CSTPP1: variants seen among roughly 807,000 people sequenced by gnomAD.
CSTPP1 encodes the protein UPF0705 protein C11orf49.
the CSTPP1 span, among the ~76,000 whole-genome samples, chr11:47,010,996 G>A: frequency 6.6e-6 from 1 of 152,090 alleles, no homozygotes; most frequent in African/African-American, 2.4e-5. Context: ...TTCAGTAGTT[G>A]CTTGAGTGCT....
At chr11:47,147,213 A>G in the CSTPP1 span, among the ~76,000 whole-genome samples, 1 of 152,234 alleles carries the variant, frequency 6.6e-6, no homozygotes, top group South Asian at 2.1e-4. Context: ...TATTCTCTGT[A>G]GTTTTCTGAG....
At chr11:46,948,709 T>C in the CSTPP1 span, among the ~76,000 whole-genome samples, 1 of 152,152 alleles carries the variant, frequency 6.6e-6, no homozygotes, top group African/African-American at 2.4e-5. Context: ...GCACAGACAG[T>C]AAACAAAAAA....
chr11:47,053,445 C>A, the CSTPP1 span, among the ~76,000 whole-genome samples: 5 of 151,438 alleles, frequency 3.3e-5, no homozygotes, highest in African/African-American at 9.7e-5. Context: ...ATGGTGAAAC[C>A]CCGTCTCTAC....
chr11:47,153,735 T>G, the CSTPP1 span, among the ~76,000 whole-genome samples: 1 of 152,302 alleles, frequency 6.6e-6, no homozygotes, highest in Non-Finnish European at 1.5e-5. Context: ...TGTATTACAA[T>G]AAAGACTAGG....
At chr11:47,015,712 A>G in the CSTPP1 span, among the ~76,000 whole-genome samples, 1 of 152,070 alleles carries the variant, frequency 6.6e-6, no homozygotes, top group Non-Finnish European at 1.5e-5. Context: ...AGAAAACTGC[A>G]AACCAATATT....
At chr11:46,980,977 T>C in the CSTPP1 span, among the ~76,000 whole-genome samples, 2 of 152,190 alleles carry the variant, frequency 1.3e-5, no homozygotes, top group Non-Finnish European at 2.9e-5. Flanking sequence ...TAAATTGGAA[T>C]AACTAATTTG....
At chr11:47,156,516 C>T in the CSTPP1 span, among the ~76,000 whole-genome samples, 1 of 152,242 alleles carries the variant, frequency 6.6e-6, no homozygotes, top group Non-Finnish European at 1.5e-5. Context: ...AACACGCTTT[C>T]TTGAGGTAGA....
At chr11:46,966,399 C>T in the CSTPP1 span, among the ~76,000 whole-genome samples, 1 of 152,160 alleles carries the variant, frequency 6.6e-6, no homozygotes, top group East Asian at 1.9e-4. Context: ...ATGTTTTCCT[C>T]CTTTTTTTCC....
At chr11:46,956,710 T>C in the CSTPP1 span, among the ~76,000 whole-genome samples, 1 of 152,130 alleles carries the variant, frequency 6.6e-6, no homozygotes, top group Admixed American at 6.5e-5. Context: ...AATAACATGC[T>C]TAAATTGCTC....
At chr11:46,982,458 A>T in the CSTPP1 span, among the ~76,000 whole-genome samples, 167 of 152,186 alleles carry the variant, frequency 1.1e-3, 1 homozygote, top group Middle Eastern at 0.02. Context: ...AATAATTTTT[A>T]AAAAAGAGTG....
At chr11:46,962,358 TG>T in the CSTPP1 span, among the ~76,000 whole-genome samples, 2 of 152,234 alleles carry the variant, frequency 1.3e-5, no homozygotes, top group Non-Finnish European at 2.9e-5. Flanking sequence ...GTTTTGAAAT[TG>T]GGAATGTGAA....
chr11:47,039,620 C>T, the CSTPP1 span, among the ~76,000 whole-genome samples: 1 of 127,642 alleles, frequency 7.8e-6, no homozygotes, highest in African/African-American at 2.5e-5. Context: ...AAGCGGATCA[C>T]GAGGTCAGGA....
At chr11:47,100,462 A>T in the CSTPP1 span, among the ~76,000 whole-genome samples, 1 of 152,346 alleles carries the variant, frequency 6.6e-6, no homozygotes, top group Non-Finnish European at 1.5e-5. Flanking sequence ...CTGTAGGAAA[A>T]ATTTATGTCA....
the CSTPP1 span, among the ~76,000 whole-genome samples, chr11:47,094,825 T>G: frequency 6.6e-6 from 1 of 152,164 alleles, no homozygotes; most frequent in Non-Finnish European, 1.5e-5. Flanking sequence ...ACAAAGATGT[T>G]TAAGAAGAAA....
chr11:47,133,004 C>T, the CSTPP1 span, among the ~76,000 whole-genome samples: 2 of 152,204 alleles, frequency 1.3e-5, no homozygotes, highest in Non-Finnish European at 2.9e-5. Flanking sequence ...AAGCACTTTA[C>T]ATTAACTCAT....
At chr11:46,962,159 T>C in the CSTPP1 span, among the ~76,000 whole-genome samples, 7 of 152,094 alleles carry the variant, frequency 4.6e-5, no homozygotes, top group Non-Finnish European at 1.0e-4. Context: ...CACGTGGGGA[T>C]TATGGGAACT....
At chr11:46,958,388 A>G in the CSTPP1 span, among the ~76,000 whole-genome samples, 2 of 152,184 alleles carry the variant, frequency 1.3e-5, no homozygotes, top group Non-Finnish European at 2.9e-5. Context: ...GTGCTAATTG[A>G]CTGTTTATGT....
the CSTPP1 span, among the ~76,000 whole-genome samples, chr11:47,107,267 G>A: frequency 6.6e-6 from 1 of 152,194 alleles, no homozygotes; most frequent in Non-Finnish European, 1.5e-5. Flanking sequence ...AAGAGTGTTT[G>A]TGAGAGCGCC....
the CSTPP1 span, among the ~76,000 whole-genome samples, chr11:46,967,530 G>A: frequency 5.5e-4 from 83 of 151,896 alleles, no homozygotes; most frequent in Middle Eastern, 6.8e-3. Flanking sequence ...AGTTGTTTTC[G>A]CTATTTCATG....
Sources: allele counts gnomAD v4.1 joint callset (sites outside exome capture counted in the v4.1 genomes callset), GRCh38; gene constraint gnomAD v4.1.1; transcripts MANE v1.5; gene names NCBI Gene and HGNC (gene_info 2026-07-23, HGNC 2026-07-21).